PHKG2: variants seen among roughly 807,000 people sequenced by gnomAD.
PHKG2 encodes the protein phosphorylase kinase catalytic subunit gamma 2.
In PHKG2, 28 loss-of-function variants were observed where a neutral mutation model predicts 44.5. The ratio of observed to expected loss-of-function variants is 0.63; its 90% CI spans 0.47 to 0.86. The LOEUF (loss-of-function observed/expected upper bound fraction) is 0.86. Ranked by LOEUF, PHKG2 falls within the 40% of genes least tolerant of loss-of-function variation. PHKG2 has a pLI of 0.00. For missense variants in PHKG2, 498 were observed against 547.5 expected (o/e 0.91, Z 0.90); for synonymous variants, 220 against 211.2 (o/e 1.04, Z -0.36).
chr16:30,750,678 C>T lies in PHKG2; in HGVS notation c.96-428C>T, dbSNP rs76769004. The stretch of plus-strand genomic sequence containing the variant: ...TAATTTTCAGCTTTGGTCTTCTAGT[C>T]AATGGCTTCCTACTTATTTGGAGCT... On this transcript the variant is annotated intron_variant, in intron 2 of 9. Coordinates refer to ENST00000563588, the MANE Select transcript of PHKG2 (RefSeq NM_000294.3). Among the ~76,000 whole-genome samples the T allele has an allele frequency of 2.4e-4, 37 of 152,320 alleles. No homozygotes were observed. In the East Asian group the frequency reaches 6.4e-3, roughly 26 times the overall value.
In PHKG2 at chr16:30,757,726, G is replaced by T; in HGVS notation, c.*629G>T. 1 of 1,513,160 alleles carries T rather than the reference G, an allele frequency of 6.6e-7. No homozygotes were observed. The highest frequency in any genetic ancestry group is 8.8e-7 in the Non-Finnish European group (1 of 1,133,318). 93.7% of individuals were successfully genotyped at this position (1,513,160 alleles called of 1,614,324 possible). On this transcript the variant is annotated 3_prime_UTR_variant, in exon 10 of 10. Coordinates refer to ENST00000563588, the MANE Select transcript of PHKG2 (RefSeq NM_000294.3). ...GGCAATGGGGGGATGGTCCCTAGTT[G>T]GGCAAACAGTCCCCAAATTTCCCCT...
chr16:30,759,205 G>A lies in PHKG2; in HGVS notation c.*2108G>A. 1 of 1,614,206 alleles carries A rather than the reference G, an allele frequency of 6.2e-7. No individual in the cohort carries two copies. Among genetic ancestry groups the A allele is most frequent in the Non-Finnish European group, 8.5e-7 (1 of 1,180,050 alleles). ...GTCTCACTCTCTGGCCACAGTTTGG[G>A]TGGCTGTAGCCCCATGTAAGTCAAA... is the stretch of plus-strand genomic sequence containing the variant. On this transcript the variant is annotated 3_prime_UTR_variant, in exon 10 of 10. Transcript: ENST00000563588.
At position 30,760,707 on chromosome 16, in the gene PHKG2, C is replaced by A. The variant is rs1196316043; in HGVS notation, c.*3610C>A. 10 of 1,538,310 alleles carry A rather than the reference C, an allele frequency of 6.5e-6. No homozygotes were observed. The South Asian group carries it at 1.2e-4, about 18-fold the overall frequency. On this transcript the variant is annotated 3_prime_UTR_variant, in exon 10 of 10. Coordinates refer to ENST00000563588, the MANE Select transcript of PHKG2 (RefSeq NM_000294.3). ...AGAAAAAGAGTATTGGTGGCCGTTA[C>A]CTATCATGACAAGGCTGTGACAGCT...
intron 1 of PHKG2, 25 bp downstream of exon 1, chr16:30,748,515 C>G (rs577277206): frequency 2.0e-6 from 1 of 489,630 alleles, no homozygotes; most frequent in East Asian, 3.7e-5. Context: ...GACCCCCGTC[C>G]CCTTCCTGCG....
At chr16:30,755,484 G>A (rs1454930618) in intron 6 of PHKG2, among the ~76,000 whole-genome samples, 1 of 151,714 alleles carries the variant, frequency 6.6e-6, no homozygotes, top group East Asian at 2.0e-4. Context: ...AGACCAGCCT[G>A]GCCAACACGG....
At position 30,760,547 on chromosome 16, in the gene PHKG2, C is replaced by T. The variant is rs1459909817; in HGVS notation, c.*3450C>T. The T allele has an allele frequency of 6.3e-7, 1 of 1,591,620 alleles. No homozygotes were observed. Among genetic ancestry groups the T allele is most frequent in the East Asian group, 2.3e-5 (1 of 43,568 alleles). The stretch of plus-strand genomic sequence containing the variant: ...TGGAGTCAGCCATTCCTCATGTTTT[C>T]CCAACCTGACCCCTCAGCCTTTGCC... On this transcript the variant is annotated 3_prime_UTR_variant, in exon 10 of 10. Transcript: ENST00000563588.
chr16:30,755,268 C>G (rs1205642363), intron 6 of PHKG2: 1 of 186,978 alleles, frequency 5.3e-6, no homozygotes, highest in Non-Finnish European at 1.1e-5. Flanking sequence ...AAAATACAGA[C>G]TTGGATAAAG....
chr16:30,753,518 G>A lies in PHKG2; in HGVS notation c.517G>A (p.Gly173Arg), dbSNP rs779998350. 1.2e-5 allele frequency: 20 copies of A among 1,613,972 alleles called. No individual in the cohort carries two copies. The highest frequency in any genetic ancestry group is 1.5e-5 in the Non-Finnish European group (18 of 1,180,028). Residue 173 changes from glycine to arginine, a missense_variant, in exon 6 of 10, where the codon GGG (glycine) becomes AGG (arginine). Coordinates refer to ENST00000563588, the MANE Select transcript of PHKG2 (RefSeq NM_000294.3). ...TATGCAGATCCGACTTTCAGATTTC[G>A]GGTTCTCCTGCCACTTGGAACCTGG... Reference protein sequence around the residue: ...DNMQIRLSDFGFSCHLEPGEK... With the variant: ...DNMQIRLSDFRFSCHLEPGEK...
intron 6 of PHKG2, among the ~76,000 whole-genome samples, 184 bp from the exon 7 acceptor site, chr16:30,755,998 G>A (rs2053419138): frequency 1.3e-5 from 2 of 152,152 alleles, no homozygotes; most frequent in African/African-American, 2.4e-5. Flanking sequence ...GCCACCAGGA[G>A]CCATGGTGAG....
Position 30,760,673 on chromosome 16 carries a change from T to TA in PHKG2, c.*3577dup, listed in dbSNP as rs972970982. 3 of 1,525,382 alleles carry TA rather than the reference T, an allele frequency of 2.0e-6. No individual in the cohort carries two copies. The highest frequency in any genetic ancestry group is 2.6e-6 in the Non-Finnish European group (3 of 1,142,718). The allele number at this position is 1,525,382 out of a possible 1,614,324, so 94.5% of individuals were successfully genotyped here. On this transcript the variant is annotated 3_prime_UTR_variant, in exon 10 of 10. Transcript: ENST00000563588. ...GAATGGACGTCCAGGTACTTCCTGT[T>TA]ATAGTAAAAGAAAAAGAGTATTGGT...
chr16:30,752,848 A>G, intron 4 of PHKG2: 2 of 327,480 alleles, frequency 6.1e-6, no homozygotes. Flanking sequence ...CTCAGCTTTT[A>G]AAGACGAAAC....
Position 30,757,699 on chromosome 16 carries a change from C to G in PHKG2, c.*602C>G. On this transcript the variant is annotated 3_prime_UTR_variant, in exon 10 of 10. Coordinates refer to ENST00000563588, the MANE Select transcript of PHKG2 (RefSeq NM_000294.3). ...GGGGCAGGGTGAGGAGAGATGCTGTCTGGCAATGGGGGGATGGTCCCTAGT... is the reference window on the plus strand; with the variant it reads ...GGGGCAGGGTGAGGAGAGATGCTGTGTGGCAATGGGGGGATGGTCCCTAGT... 1 of 1,565,876 alleles carries G rather than the reference C, an allele frequency of 6.4e-7. No individual in the cohort carries two copies. The highest frequency in any genetic ancestry group is 8.7e-7 in the Non-Finnish European group (1 of 1,154,068).
rs1596715392 is a variant in PHKG2 at position 30,760,537 on chromosome 16, C to T, written c.*3440C>T. On this transcript the variant is annotated 3_prime_UTR_variant, in exon 10 of 10. Transcript: ENST00000563588. ...CCACATGCTTTGGAGTCAGCCATTC[C>T]TCATGTTTTCCCAACCTGACCCCTC... The T allele has an allele frequency of 4.4e-6, 7 of 1,601,700 alleles. No individual in the cohort carries two copies. The East Asian group carries it at 1.4e-4, about 31-fold the overall frequency.
At chr16:30,755,432 C>T (rs1443171378) in intron 6 of PHKG2, among the ~76,000 whole-genome samples, 1 of 152,140 alleles carries the variant, frequency 6.6e-6, no homozygotes, top group Non-Finnish European at 1.5e-5. Flanking sequence ...AATCCCAGCA[C>T]TTTGGGAGCC....
Position 30,759,302 on chromosome 16 carries a change from G to A in PHKG2, c.*2205G>A. Reference sequence around the variant, plus strand: ...GGAGTGCACCTGTGCTGAGGGGAGGGGCGGTTGAGGGTGGCTCCTCATGGT... The same window carrying A: ...GGAGTGCACCTGTGCTGAGGGGAGGAGCGGTTGAGGGTGGCTCCTCATGGT... On this transcript the variant is annotated 3_prime_UTR_variant, in exon 10 of 10. Transcript: ENST00000563588. The A allele has an allele frequency of 6.2e-7, 1 of 1,612,754 alleles. No homozygotes were observed. The highest frequency in any genetic ancestry group is 1.7e-4 in the Middle Eastern group (1 of 6,056).
intron 1 of PHKG2, 109 bp downstream of exon 1, chr16:30,748,599 C>G: frequency 1.7e-6 from 1 of 586,448 alleles, no homozygotes; most frequent in South Asian, 2.0e-5. Flanking sequence ...GGGCACATCT[C>G]CCCACTCCCC....
rs777592720 is a variant in PHKG2 at position 30,760,373 on chromosome 16, G to T, written c.*3276G>T. 1 of 1,614,220 alleles carries T rather than the reference G, an allele frequency of 6.2e-7. No homozygotes were observed. The highest frequency in any genetic ancestry group is 8.5e-7 in the Non-Finnish European group (1 of 1,180,048). ...GCCCTGCTGGCGGCAGAAAATGAGC[G>T]CGTGGCAGAAGAGGTCCAGGGTGAT... On this transcript the variant is annotated 3_prime_UTR_variant, in exon 10 of 10. Coordinates refer to ENST00000563588, the MANE Select transcript of PHKG2 (RefSeq NM_000294.3).
rs564686049 is a variant in PHKG2, at chr16:30,756,906, C to T, written c.1030C>T (p.Arg344Trp). ...NALLRDPYAL[R>W]SVRHLIDNCA... is the part of the protein sequence containing the mutation. ...ACTGTTGAGGGACCCTTATGCGCTG[C>T]GGTCAGTGCGGCACCTCATCGACAA... Residue 344 changes from arginine (R) to tryptophan (W), a missense_variant, in exon 10 of 10, where the codon CGG becomes TGG. Transcript: ENST00000563588. 3.4e-5 allele frequency: 55 copies of T among 1,614,082 alleles called. 1 individual carries two copies. Among genetic ancestry groups the T allele is most frequent in the South Asian group, 3.3e-4 (30 of 91,088 alleles).
chr16:30,754,052 A>C (rs1306772331), intron 6 of PHKG2, among the ~76,000 whole-genome samples: 3 of 152,196 alleles, frequency 2.0e-5, no homozygotes, highest in Non-Finnish European at 4.4e-5. Flanking sequence ...GGGATTCTTC[A>C]GAGCCTTTAG....
Sources: gnomAD v4.1 joint callset for allele counts (sites outside exome capture counted in the v4.1 genomes callset) on GRCh38, gnomAD v4.1.1 for gene constraint, MANE v1.5 for transcripts, NCBI Gene and HGNC (gene_info 2026-07-23, HGNC 2026-07-21) for gene names.